Variants in ACAD11 observed in about 807,000 individuals in gnomAD.
ACAD11 encodes the protein acyl-Coenzyme A dehydrogenase family, member 11.
In ACAD11, 83 loss-of-function variants were observed where a neutral mutation model predicts 102.2. The ratio of observed to expected loss-of-function variants is 0.81; its 90% CI spans 0.68 to 0.97. The LOEUF is 0.97. Ranked by LOEUF, ACAD11 falls within the 50% of genes least tolerant of loss-of-function variation. The pLI is 0.00. For missense variants in ACAD11, 901 were observed against 951.7 expected, an observed-to-expected ratio of 0.95 and a Z score of 0.70; for synonymous variants, 324 against 319.8, an observed-to-expected ratio of 1.01 and a Z score of -0.14.
rs539727966 is a variant in ACAD11, at chr3:132,559,282, G to A, written c.2229-197C>T. Reference sequence around the variant, plus strand: ...ATCTTAAAGTTTCCAACTTGGGAAAGTTAAATGCCAAAGTACAGTGGAGTT... The same window carrying A: ...ATCTTAAAGTTTCCAACTTGGGAAAATTAAATGCCAAAGTACAGTGGAGTT... On this transcript the variant is annotated intron_variant, in intron 19 of 19. Coordinates refer to ENST00000264990, the MANE Select transcript of ACAD11 (RefSeq NM_032169.5). 1.1e-4 allele frequency among the ~76,000 whole-genome samples: 17 copies of A among 152,278 alleles called. No individual in the cohort carries two copies. In the South Asian group the frequency reaches 3.1e-3, roughly 28 times the overall value.
chr3:132,593,744 G>A (rs888106375), intron 13 of ACAD11, among the ~76,000 whole-genome samples: 4 of 152,158 alleles, frequency 2.6e-5, no homozygotes, highest in African/African-American at 9.7e-5. Context: ...AGTACAAGAG[G>A]AGGGATGAGA....
At chr3:132,634,734 T>G (rs1003403680) in intron 5 of ACAD11, among the ~76,000 whole-genome samples, 1 of 152,060 alleles carries the variant, frequency 6.6e-6, no homozygotes, top group African/African-American at 2.4e-5. Flanking sequence ...CCATAAAAAA[T>G]GATGAGTTCA....
intron 13 of ACAD11, among the ~76,000 whole-genome samples, chr3:132,591,253 G>A (rs1438952026): frequency 4.6e-5 from 7 of 152,164 alleles, no homozygotes; most frequent in African/African-American, 1.7e-4. Flanking sequence ...ACTATCTATA[G>A]AATAGGGAGT....
intron 3 of ACAD11, among the ~76,000 whole-genome samples, 196 bp downstream of exon 3, chr3:132,642,481 T>C (rs1240006646): frequency 6.6e-6 from 1 of 152,236 alleles, no homozygotes; most frequent in Non-Finnish European, 1.5e-5. Context: ...ATTACTAAAT[T>C]TGTTTCTTGT....
At chr3:132,659,437 C>G in intron 1 of ACAD11, 166 bp downstream of exon 1, 3 of 922,704 alleles carry the variant, frequency 3.3e-6, no homozygotes, top group Non-Finnish European at 4.7e-6. Flanking sequence ...CCCCCAGCAT[C>G]GAATTCGGAG....
chr3:132,564,182 G>C (rs1265943952), intron 17 of ACAD11, among the ~76,000 whole-genome samples: 12 of 152,154 alleles, frequency 7.9e-5, no homozygotes, highest in Admixed American at 7.9e-4. Flanking sequence ...CATACTGCCA[G>C]ATTCTATTCG....
At chr3:132,616,322 A>G (rs1405985202) in intron 11 of ACAD11, among the ~76,000 whole-genome samples, 3 of 152,360 alleles carry the variant, frequency 2.0e-5, no homozygotes, top group East Asian at 3.9e-4. Flanking sequence ...CATCTAGTGA[A>G]AAGTGAGTTC....
At chr3:132,595,019 G>A (rs1280373460) in intron 13 of ACAD11, among the ~76,000 whole-genome samples, 2 of 152,152 alleles carry the variant, frequency 1.3e-5, no homozygotes, top group Non-Finnish European at 2.9e-5. Context: ...CTAATACAGG[G>A]TGAAAGACAA....
chr3:132,579,770 G>T (rs887359093), intron 13 of ACAD11, among the ~76,000 whole-genome samples: 13 of 152,104 alleles, frequency 8.5e-5, no homozygotes, highest in Admixed American at 8.5e-4. Context: ...ATCAATGAAA[G>T]CTGCTACACA....
At chr3:132,608,641 A>G (rs1174286985) in intron 11 of ACAD11, among the ~76,000 whole-genome samples, 2 of 152,152 alleles carry the variant, frequency 1.3e-5, no homozygotes, top group African/African-American at 2.4e-5. Context: ...AGATTCATAA[A>G]GCAAATTCTT....
intron 13 of ACAD11, among the ~76,000 whole-genome samples, chr3:132,584,575 T>G (rs1200602563): frequency 4.6e-5 from 7 of 152,052 alleles, no homozygotes; most frequent in African/African-American, 1.4e-4. Context: ...GGTTAATATT[T>G]TTATGTGTGA....
intron 13 of ACAD11, among the ~76,000 whole-genome samples, chr3:132,603,026 C>G (rs190107762): frequency 6.6e-6 from 1 of 152,176 alleles, no homozygotes; most frequent in Non-Finnish European, 1.5e-5. Context: ...TGGTCTTGAA[C>G]TCCTGGCCTC....
chr3:132,614,061 C>A (rs1271610109), intron 11 of ACAD11, among the ~76,000 whole-genome samples: 2 of 152,150 alleles, frequency 1.3e-5, no homozygotes, highest in African/African-American at 4.8e-5. Flanking sequence ...CTTGAGTGAA[C>A]TCCCATTCAC....
chr3:132,617,356 G>A (rs181702205), intron 11 of ACAD11, among the ~76,000 whole-genome samples: 6 of 152,206 alleles, frequency 3.9e-5, no homozygotes, highest in Non-Finnish European at 5.9e-5. Context: ...TATAGACTAC[G>A]TTCCAGGTTT....
At chr3:132,576,835 T>A in intron 16 of ACAD11, 109 bp downstream of exon 16, 1 of 792,404 alleles carries the variant, frequency 1.3e-6, no homozygotes, top group Admixed American at 2.8e-5. Flanking sequence ...ACCTAATATC[T>A]AAATCAAGGT....
At chr3:132,588,801 T>C (rs933483495) in intron 13 of ACAD11, among the ~76,000 whole-genome samples, 1 of 152,234 alleles carries the variant, frequency 6.6e-6, no homozygotes, top group Non-Finnish European at 1.5e-5. Flanking sequence ...TCTATTTGGC[T>C]TTCCTAATTT....
Position 132,559,000 on chromosome 3 carries a change from G to C in ACAD11, c.2314C>G (p.Gln772Glu), listed in dbSNP as rs757559126. The change falls in exon 20 of 20, where the codon CAA becomes GAA. Residue 772 changes from glutamine to glutamate, a missense_variant. Transcript: ENST00000264990. ...ATCTTGGCTGTCAGTCTTTTGGCTTGGTCCCGCAGCTCCATTGTTGCGATT... is the reference window on the plus strand; with the variant it reads ...ATCTTGGCTGTCAGTCTTTTGGCTTCGTCCCGCAGCTCCATTGTTGCGATT... Reference protein sequence around the residue: ...SAIATMELRDQAKRLTAKI With the variant: ...SAIATMELRDEAKRLTAKI 6.2e-7 allele frequency: 1 copy of C among 1,613,492 alleles called. No individual in the cohort carries two copies. Among genetic ancestry groups the C allele is most frequent in the East Asian group, 2.2e-5 (1 of 44,858 alleles).
intron 19 of ACAD11, 134 bp downstream of exon 19, chr3:132,559,699 T>A: frequency 1.5e-6 from 1 of 663,456 alleles, no homozygotes; most frequent in Non-Finnish European, 2.6e-6. Flanking sequence ...TTGAGCTCTA[T>A]ATTAATGTAT....
At chr3:132,590,893 G>A (rs1938045891) in intron 13 of ACAD11, among the ~76,000 whole-genome samples, 2 of 152,116 alleles carry the variant, frequency 1.3e-5, no homozygotes, top group Non-Finnish European at 2.9e-5. Context: ...CCTTATAGAT[G>A]CTGGATATTG....
Sources: gnomAD v4.1 joint callset for allele counts (sites outside exome capture counted in the v4.1 genomes callset) on GRCh38, gnomAD v4.1.1 for gene constraint, MANE v1.5 for transcripts, NCBI Gene and HGNC (gene_info 2026-07-23, HGNC 2026-07-21) for gene names.